Variants in SEMA6D observed in about 807,000 individuals in gnomAD.
The protein encoded by SEMA6D is semaphorin 6D.
Under a neutral mutation model 106.6 loss-of-function variants are expected in SEMA6D, and 35 were observed. The observed-to-expected ratio is 0.33, with a 90% CI of 0.25 to 0.44. The LOEUF is 0.44. SEMA6D is among the 20% of genes least tolerant of loss of function. The pLI is 1.00. For missense variants in SEMA6D, 1,185 were observed against 1,345.9 expected (o/e 0.88, Z 1.87); for synonymous variants, 499 against 487.7 (o/e 1.02, Z -0.31).
chr15:47,460,112 C>G (rs866903661), intron 2 of SEMA6D, among the ~76,000 whole-genome samples: 1 of 152,092 alleles, frequency 6.6e-6, no homozygotes, highest in African/African-American at 2.4e-5. Context: ...AATTAGCCAT[C>G]CCACCACTGT....
intron 1 of SEMA6D, among the ~76,000 whole-genome samples, chr15:47,371,041 A>G (rs2039255079): frequency 6.6e-6 from 1 of 152,198 alleles, no homozygotes; most frequent in African/African-American, 2.4e-5. Context: ...GACCTTTTTA[A>G]TGAGTCCAGT....
intron 3 of SEMA6D, among the ~76,000 whole-genome samples, chr15:47,488,085 CTG>C (rs2043350381): frequency 6.6e-6 from 1 of 152,104 alleles, no homozygotes; most frequent in South Asian, 2.1e-4. Flanking sequence ...CTATTCTGTC[CTG>C]TTCATCTGTT....
chr15:47,460,415 G>A (rs532860219), intron 2 of SEMA6D, among the ~76,000 whole-genome samples: 8 of 152,176 alleles, frequency 5.3e-5, no homozygotes, highest in East Asian at 3.9e-4. Flanking sequence ...AGAGTAGTCC[G>A]AGAAATCATC....
intron 2 of SEMA6D, among the ~76,000 whole-genome samples, chr15:47,420,267 T>C (rs1049258319): frequency 1.3e-5 from 2 of 152,102 alleles, no homozygotes; most frequent in Non-Finnish European, 2.9e-5. Flanking sequence ...GAACATTGTA[T>C]TATTGGGCTT....
intron 1 of SEMA6D, among the ~76,000 whole-genome samples, chr15:47,234,139 T>C (rs145556245): frequency 1.3e-5 from 2 of 151,806 alleles, no homozygotes; most frequent in Non-Finnish European, 2.9e-5. Flanking sequence ...GTTTTGAAAA[T>C]GTCTGACATA....
chr15:47,397,349 A>T (rs1357164634), intron 1 of SEMA6D, among the ~76,000 whole-genome samples: 1 of 152,234 alleles, frequency 6.6e-6, no homozygotes, highest in African/African-American at 2.4e-5. Context: ...AGATATGTAG[A>T]CAAGGGAGAG....
chr15:47,726,198 C>T (rs976674682), intron 1 of SEMA6D, among the ~76,000 whole-genome samples: 20 of 152,250 alleles, frequency 1.3e-4, no homozygotes, highest in African/African-American at 4.8e-4. Context: ...ACAGCTAGCA[C>T]TTACTGTGTG....
chr15:47,260,073 T>G (rs955598791), intron 1 of SEMA6D, among the ~76,000 whole-genome samples: 4 of 152,064 alleles, frequency 2.6e-5, no homozygotes, highest in African/African-American at 9.6e-5. Flanking sequence ...AAATTTATAT[T>G]TCTTTGCTGA....
intron 3 of SEMA6D, among the ~76,000 whole-genome samples, chr15:47,483,589 C>A (rs1046205359): frequency 6.6e-6 from 1 of 151,978 alleles, no homozygotes; most frequent in Non-Finnish European, 1.5e-5. Context: ...AATTACAGTA[C>A]CAGGATGTGA....
At chr15:47,712,125 TTAAACTA>T (rs2079034325) in intron 4 of SEMA6D, among the ~76,000 whole-genome samples, 1 of 152,224 alleles carries the variant, frequency 6.6e-6, no homozygotes, top group Admixed American at 6.5e-5. Context: ...ATACAGAGGT[TTAAACTA>T]TGCTATGAAT....
chr15:47,360,751 T>A lies in SEMA6D; in HGVS notation c.-238-51642T>A, dbSNP rs2038774712. Among the ~76,000 whole-genome samples, 4 of 152,190 alleles carry A rather than the reference T, an allele frequency of 2.6e-5. No homozygotes were observed. In the South Asian group the frequency reaches 8.3e-4, roughly 32 times the overall value. On this transcript the variant is annotated intron_variant, in intron 1 of 19. Coordinates refer to the SEMA6D transcript ENST00000558014. ...CAACTACCTCCACTGATTAATTAAATATCCCTAATCATATTTAGAAAGCAG... is the reference window on the plus strand; with the variant it reads ...CAACTACCTCCACTGATTAATTAAAAATCCCTAATCATATTTAGAAAGCAG...
At chr15:47,313,012 A>C (rs1196285057) in intron 1 of SEMA6D, among the ~76,000 whole-genome samples, 31 of 152,110 alleles carry the variant, frequency 2.0e-4, no homozygotes, top group Admixed American at 2.0e-3. Flanking sequence ...ATTGGTAGGA[A>C]ATACAGAGAT....
At position 47,442,359 on chromosome 15, in the gene SEMA6D, A is replaced by T. The variant is rs1358798286; in HGVS notation, c.-158-28115A>T. On this transcript the variant is annotated intron_variant, in intron 2 of 19. Transcript: ENST00000558014. ...CTTCCATGATGTACAGAAAGGGGAGACTTGGCTGCCTCTTCTTTCTTTTTT... is the reference window on the plus strand; with the variant it reads ...CTTCCATGATGTACAGAAAGGGGAGTCTTGGCTGCCTCTTCTTTCTTTTTT... Among the ~76,000 whole-genome samples, 6 of 152,022 alleles carry T rather than the reference A, an allele frequency of 3.9e-5. No individual in the cohort carries two copies. The South Asian group carries it at 6.2e-4, about 16-fold the overall frequency.
intron 3 of SEMA6D, among the ~76,000 whole-genome samples, chr15:47,572,822 T>G (rs1043420640): frequency 1.3e-5 from 2 of 152,160 alleles, no homozygotes; most frequent in African/African-American, 2.4e-5. Context: ...ATTAATCTGT[T>G]CAATTAATGT....
chr15:47,345,099 A>G (rs2037990992), intron 1 of SEMA6D, among the ~76,000 whole-genome samples: 1 of 152,154 alleles, frequency 6.6e-6, no homozygotes, highest in Non-Finnish European at 1.5e-5. Context: ...AGGTAAATAT[A>G]CTGTATTTAT....
At chr15:47,521,986 A>G (rs78003845) in intron 3 of SEMA6D, among the ~76,000 whole-genome samples, 1 of 140,652 alleles carries the variant, frequency 7.1e-6, no homozygotes, top group South Asian at 2.1e-4. Flanking sequence ...CTCCGTCTCA[A>G]AAAAAAAAAA....
At chr15:47,352,435 G>T (rs2038362181) in intron 1 of SEMA6D, among the ~76,000 whole-genome samples, 1 of 152,144 alleles carries the variant, frequency 6.6e-6, no homozygotes. Context: ...GAGAGTAGCA[G>T]CCTTGAATAC....
chr15:47,478,388 G>A (rs1231132875), intron 3 of SEMA6D, among the ~76,000 whole-genome samples: 1 of 152,138 alleles, frequency 6.6e-6, no homozygotes, highest in African/African-American at 2.4e-5. Context: ...TTACAGGAAG[G>A]CAAGCAGACA....
intron 4 of SEMA6D, among the ~76,000 whole-genome samples, chr15:47,638,263 C>T (rs182034171): frequency 7.9e-5 from 12 of 152,196 alleles, no homozygotes; most frequent in Admixed American, 5.2e-4. Flanking sequence ...ACTGATCAAC[C>T]TCTCTGTGGG....
Sources: gnomAD v4.1 joint callset for allele counts (sites outside exome capture counted in the v4.1 genomes callset) on GRCh38, gnomAD v4.1.1 for gene constraint, MANE v1.5 for transcripts, NCBI Gene and HGNC (gene_info 2026-07-23, HGNC 2026-07-21) for gene names.